Variants in MMD2 observed in about 807,000 individuals in gnomAD.
MMD2 encodes monocyte to macrophage differentiation associated 2, also known as monocyte to macrophage differentiation factor 2.
MMD2 carries 30 observed loss-of-function variants against 33.5 expected under a neutral mutation model. The ratio of observed to expected loss-of-function variants is 0.90; its 90% CI spans 0.67 to 1.22. MMD2 has a LOEUF of 1.22. Ranked by LOEUF, MMD2 falls within the 50% of genes most tolerant of loss-of-function variation. The pLI, the probability that MMD2 is intolerant of heterozygous loss-of-function variation, is 0.00. For missense variants in MMD2, 364 were observed against 325.4 expected, an observed-to-expected ratio of 1.12 and a Z score of -0.91; for synonymous variants, 129 against 123.0, an observed-to-expected ratio of 1.05 and a Z score of -0.32.
chr7:4,956,186 G>T (rs1199178353), intron 1 of MMD2, among the ~76,000 whole-genome samples: 1 of 152,174 alleles, frequency 6.6e-6, no homozygotes, highest in Admixed American at 6.6e-5. Context: ...ACTTCAGGAG[G>T]CTGAGGCAGG....
At chr7:4,945,780 G>T (rs1786058804) in intron 1 of MMD2, among the ~76,000 whole-genome samples, 1 of 150,550 alleles carries the variant, frequency 6.6e-6, no homozygotes, top group Non-Finnish European at 1.5e-5. Flanking sequence ...TCATCATGTT[G>T]CCCAGGCTGG....
At chr7:4,956,959 A>T (rs1173690440) in intron 1 of MMD2, among the ~76,000 whole-genome samples, 1 of 152,046 alleles carries the variant, frequency 6.6e-6, no homozygotes, top group Non-Finnish European at 1.5e-5. Context: ...TGAGCCCAGG[A>T]GTTCAAGACC....
intron 1 of MMD2, among the ~76,000 whole-genome samples, chr7:4,944,326 C>A (rs1263909579): frequency 6.6e-6 from 1 of 152,042 alleles, no homozygotes; most frequent in African/African-American, 2.4e-5. Context: ...CCTCCCCTGG[C>A]CCCAGGGAAA....
rs780950540 is a variant in MMD2, at chr7:4,946,778, C to A, written c.47+12193G>T. Among the ~76,000 whole-genome samples the A allele has an allele frequency of 6.6e-6, 1 of 152,144 alleles. No homozygotes were observed. The highest frequency in any genetic ancestry group is 2.4e-5 in the African/African-American group (1 of 41,444). ...ACAGGGTCTGGTTCTGTTGCCCAAG[C>A]TGGAGTGCAGTGGTGCAATCATAGC... On this transcript the variant is annotated intron_variant, in intron 1 of 6. Transcript: ENST00000401401. This position sits in a 1 kb window ranked among gnomAD's most constrained non-coding sequence, Gnocchi z 5.0.
At chr7:4,911,283 G>A in intron 4 of MMD2, 37 bp from the exon 5 acceptor site, 2 of 1,520,716 alleles carry the variant, frequency 1.3e-6, no homozygotes, top group South Asian at 1.2e-5. Context: ...GCCCTGAGGG[G>A]GGCCCACCAG....
At chr7:4,892,311 G>A in the MMD2 span, among the ~76,000 whole-genome samples, 17 of 152,210 alleles carry the variant, frequency 1.1e-4, no homozygotes, top group East Asian at 3.1e-3. Flanking sequence ...ATCAAGGCCG[G>A]GCACGGTGGC....
downstream of MMD2, among the ~76,000 whole-genome samples, chr7:4,903,058 T>C (rs2115077389): frequency 6.6e-6 from 1 of 152,270 alleles, no homozygotes; most frequent in South Asian, 2.1e-4. Flanking sequence ...GCCAACATGG[T>C]GAAACCCTGT....
chr7:4,922,333 G>T (rs773722298), intron 2 of MMD2, among the ~76,000 whole-genome samples: 2 of 152,066 alleles, frequency 1.3e-5, no homozygotes, highest in African/African-American at 2.4e-5. Context: ...ACTTTGGGAG[G>T]CTGAAGCAGG....
chr7:4,940,872 G>A lies in MMD2; in HGVS notation c.48-15340C>T, dbSNP rs553917296. 3.9e-5 allele frequency among the ~76,000 whole-genome samples: 6 copies of A among 152,260 alleles called. No homozygotes were observed. The East Asian group carries it at 9.7e-4, about 25-fold the overall frequency. On this transcript the variant is annotated intron_variant, in intron 1 of 6. Coordinates refer to ENST00000401401, the MANE Select transcript of MMD2 (RefSeq NM_198403.4). This position sits in a 1 kb window ranked among gnomAD's most constrained non-coding sequence, Gnocchi z 5.0. The stretch of plus-strand genomic sequence containing the variant: ...CATGTGAACGGCCCCCTGGGCCTGG[G>A]GGTACTGACCCGACAGATCTGAGAC...
rs571076605 is a variant in MMD2, at chr7:4,906,205, G to A, written c.*1191C>T. 130 of 331,408 alleles carry A rather than the reference G, an allele frequency of 3.9e-4. No homozygotes were observed. The highest frequency in any genetic ancestry group is 2.1e-3 in the African/African-American group (101 of 47,388). 20.5% of individuals were successfully genotyped at this position (331,408 alleles called of 1,614,324 possible). A position where few individuals can be genotyped will look rare whatever the true frequency, so the allele number is the denominator to read the frequency against. On this transcript the variant is annotated 3_prime_UTR_variant, in exon 7 of 7. Coordinates refer to ENST00000401401, the MANE Select transcript of MMD2 (RefSeq NM_198403.4). ...AGATTCCAATTCAGATCCTGGAGCTGGGCCTGCTACTCACCTCCCCAGTAA... is the reference window on the plus strand; with the variant it reads ...AGATTCCAATTCAGATCCTGGAGCTAGGCCTGCTACTCACCTCCCCAGTAA...
At chr7:4,914,625 G>A (rs1785096134) in intron 4 of MMD2, among the ~76,000 whole-genome samples, 2 of 152,104 alleles carry the variant, frequency 1.3e-5, no homozygotes, top group South Asian at 2.1e-4. Flanking sequence ...ACAACCAGGG[G>A]TAAAGGTAAA....
At chr7:4,911,942 C>T (rs1001299425) in intron 4 of MMD2, among the ~76,000 whole-genome samples, 6 of 151,984 alleles carry the variant, frequency 3.9e-5, no homozygotes, top group South Asian at 2.1e-4. Flanking sequence ...CCACCGCGCC[C>T]GGCCTCCAAT....
At chr7:4,927,734 C>T (rs1169534103) in intron 1 of MMD2, among the ~76,000 whole-genome samples, 1 of 152,014 alleles carries the variant, frequency 6.6e-6, no homozygotes, top group South Asian at 2.1e-4. Context: ...ACAAAACAAA[C>T]AAAACAAAAA....
intron 1 of MMD2, 133 bp from the exon 2 acceptor site, chr7:4,925,665 C>A: frequency 1.9e-6 from 1 of 532,620 alleles, no homozygotes; most frequent in Non-Finnish European, 3.3e-6. Flanking sequence ...TTTCATCTCC[C>A]CCTCTCTCTC....
chr7:4,914,568 C>G (rs766341041), intron 4 of MMD2, among the ~76,000 whole-genome samples: 2 of 152,158 alleles, frequency 1.3e-5, no homozygotes, highest in African/African-American at 4.8e-5. Flanking sequence ...TGACAATACC[C>G]TCAGATACCA....
At chr7:4,938,352 G>C (rs1419831442) in intron 1 of MMD2, among the ~76,000 whole-genome samples, 3 of 151,974 alleles carry the variant, frequency 2.0e-5, no homozygotes, top group Non-Finnish European at 4.4e-5. Context: ...GGAAGTCCAG[G>C]ATCTAGGGAC....
chr7:4,958,216 G>A (rs1460737608), intron 1 of MMD2, among the ~76,000 whole-genome samples: 7 of 152,134 alleles, frequency 4.6e-5, no homozygotes, highest in Admixed American at 4.6e-4. Context: ...AGCAACTTTA[G>A]GAGGGGATTT....
chr7:4,898,752 A>T, the MMD2 span, among the ~76,000 whole-genome samples: 1 of 152,272 alleles, frequency 6.6e-6, no homozygotes, highest in East Asian at 1.9e-4. Context: ...TACAAAAATT[A>T]GCTGGGCTCC....
At chr7:4,910,209 G>C (rs1001529832) in intron 5 of MMD2, among the ~76,000 whole-genome samples, 5 of 152,156 alleles carry the variant, frequency 3.3e-5, no homozygotes, top group Admixed American at 1.3e-4. Context: ...TGCCAGAGCA[G>C]GGATTACAAA....
Sources: allele counts gnomAD v4.1 joint callset (sites outside exome capture counted in the v4.1 genomes callset), GRCh38; gene constraint gnomAD v4.1.1; non-coding constraint Gnocchi (gnomAD v3.1); transcripts MANE v1.5; gene names NCBI Gene and HGNC (gene_info 2026-07-23, HGNC 2026-07-21).